The following SHISA2 variants were observed in gnomAD, a reference collection of about 807,000 sequenced individuals.
SHISA2 encodes the protein protein shisa-2 homolog.
Under a neutral mutation model 23.8 loss-of-function variants are expected in SHISA2, and 16 were observed. The observed-to-expected ratio is 0.67, with a 90% CI of 0.46 to 1.02. The LOEUF is 1.02. Among genes scored for constraint, SHISA2 ranks in the 50% least tolerant of loss-of-function variants. The pLI is 0.00. For synonymous variants in SHISA2, 201 were observed against 178.6 expected, an observed-to-expected ratio of 1.13 and a Z score of -1.00; for missense variants, 459 against 420.1, an observed-to-expected ratio of 1.09 and a Z score of -0.81.
rs1957297444 is a variant in SHISA2, at chr13:26,050,794, C to G, written c.182G>C (p.Gly61Ala). The G allele has an allele frequency of 6.6e-7, 1 of 1,526,478 alleles. No homozygotes were observed. The highest frequency in any genetic ancestry group is 8.7e-7 in the Non-Finnish European group (1 of 1,147,398). 94.6% of individuals were successfully genotyped at this position (1,526,478 alleles called of 1,614,324 possible). A position where few individuals can be genotyped will look rare whatever the true frequency, so the allele number is the denominator to read the frequency against. The change falls in exon 1 of 2, where the codon GGC becomes GCC. Residue 61 changes from glycine (G) to alanine (A), a missense_variant. Coordinates refer to ENST00000319420, the MANE Select transcript of SHISA2 (RefSeq NM_001007538.2). Reference protein sequence around the residue: ...GFQCPERFDGGDATICCGSCA... With the variant: ...GFQCPERFDGADATICCGSCA... ...GCTGCCGCAGCAGATGGTGGCGTCGCCGCCGTCGAAGCGCTCGGGACACTG... is the reference window on the plus strand; with the variant it reads ...GCTGCCGCAGCAGATGGTGGCGTCGGCGCCGTCGAAGCGCTCGGGACACTG...
intron 1 of SHISA2, among the ~76,000 whole-genome samples, chr13:26,050,047 CA>C (rs1957291129): frequency 6.6e-6 from 1 of 152,146 alleles, no homozygotes; most frequent in African/African-American, 2.4e-5. Context: ...CCACAAAGAG[CA>C]AGGCTGGGCA....
Position 26,044,825 on chromosome 13 carries a change from A to C in SHISA2, c.*1688T>G. On this transcript the variant is annotated 3_prime_UTR_variant, in exon 2 of 2. Coordinates refer to ENST00000319420, the MANE Select transcript of SHISA2 (RefSeq NM_001007538.2). ...AAATACTGGTTGTGCTAGCAGTTGG[A>C]AATGTACTTGCACATCCTTAAAGTT... The C allele has an allele frequency of 6.6e-6, 1 of 152,232 alleles. No individual in the cohort carries two copies. The highest frequency in any genetic ancestry group is 2.1e-4 in the South Asian group (1 of 4,834). 9.4% of individuals were successfully genotyped at this position (152,232 alleles called of 1,614,324 possible). A position where few individuals can be genotyped will look rare whatever the true frequency, so the allele number is the denominator to read the frequency against.
chr13:26,047,835 C>G (rs143974165), intron 1 of SHISA2, among the ~76,000 whole-genome samples: 151 of 152,234 alleles, frequency 9.9e-4, no homozygotes, highest in African/African-American at 3.1e-3. Flanking sequence ...AAGACGTGTT[C>G]CAGAAAGAAG....
At position 26,050,778 on chromosome 13, in the gene SHISA2, G is replaced by A; in HGVS notation, c.198C>T (p.Cys66=). Residue 66 remains cysteine (C), a synonymous_variant, in exon 1 of 2, where the codon TGC becomes TGT. Coordinates refer to ENST00000319420, the MANE Select transcript of SHISA2 (RefSeq NM_001007538.2). The part of the protein sequence containing the change: ...ERFDGGDATI[C]CGSCALRYCC... ...AGTAGCGCAACGCGCAGCTGCCGCA[G>A]CAGATGGTGGCGTCGCCGCCGTCGA... The A allele has an allele frequency of 3.9e-6, 6 of 1,523,058 alleles. No individual in the cohort carries two copies. Among genetic ancestry groups the A allele is most frequent in the South Asian group, 1.2e-5 (1 of 82,410 alleles). 94.3% of individuals were successfully genotyped at this position (1,523,058 alleles called of 1,614,324 possible).
At chr13:26,050,593 A>T (rs1593749799) in intron 1 of SHISA2, 49 bp downstream of exon 1, 1 of 1,370,976 alleles carries the variant, frequency 7.3e-7, no homozygotes, top group Non-Finnish European at 9.4e-7. Flanking sequence ...CCTGACGTCC[A>T]GGCAACGCCA....
intron 1 of SHISA2, among the ~76,000 whole-genome samples, chr13:26,048,345 C>A (rs901149987): frequency 6.6e-6 from 1 of 152,036 alleles, no homozygotes; most frequent in African/African-American, 2.4e-5. Flanking sequence ...TTAAAAAAAT[C>A]TTTTAGGAGC....
rs758127448 is a variant in SHISA2 at position 26,046,741 on chromosome 13, C to T, written c.660G>A (p.Met220Ile). 3.1e-6 allele frequency: 5 copies of T among 1,614,224 alleles called. No homozygotes were observed. In the South Asian group the frequency reaches 4.4e-5, roughly 14 times the overall value. The change falls in exon 2 of 2, where the codon ATG becomes ATA. Residue 220 changes from methionine (M) to isoleucine (I), a missense_variant. Met to Ile is a conservative substitution (Grantham distance 10). Transcript: ENST00000319420. ...AGTTCAGCACAGAGAAATTCGTGGG[C>T]ATGTTGACATACACGTTGTTCATGG... ...EGTMNNVYVN[M>I]PTNFSVLNCQ... is the part of the protein sequence containing the mutation.
At position 26,051,983 on chromosome 13, in the gene SHISA2, TCGCCC is replaced by T. The variant is rs71893661; in HGVS notation, c.-1013_-1009del. Among the ~76,000 whole-genome samples, 139,628 of 151,892 alleles carry T rather than the reference TCGCCC, an allele frequency of 0.92. 64,426 individuals carry two copies. The highest frequency in any genetic ancestry group is 0.98 in the Middle Eastern group (285 of 292). Reference sequence around the variant, plus strand: ...CGCAGCAGCCGCCCACAGCCTCGCCTCGCCCCGCCCGGCGCCAGACCAGCTCCGAC... The same window carrying T: ...CGCAGCAGCCGCCCACAGCCTCGCCTCGCCCGGCGCCAGACCAGCTCCGAC... On this transcript the variant is annotated 5_prime_UTR_variant, in exon 1 of 2. Transcript: ENST00000319420.
chr13:26,048,146 C>A (rs1466734524), intron 1 of SHISA2, among the ~76,000 whole-genome samples: 1 of 151,796 alleles, frequency 6.6e-6, no homozygotes, highest in African/African-American at 2.4e-5. Context: ...CTACTAAAAC[C>A]ACAAAATTTA....
At position 26,050,991 on chromosome 13, in the gene SHISA2, G is replaced by T. The variant is rs1296008261; in HGVS notation, c.-16C>A. The stretch of plus-strand genomic sequence containing the variant: ...CGCCCCACATGGCACCACCCTGGGC[G>T]CGGACAGCGCGTCTCCAGAGAGCGC... On this transcript the variant is annotated 5_prime_UTR_variant, in exon 1 of 2. Transcript: ENST00000319420. 2 of 1,485,836 alleles carry T rather than the reference G, an allele frequency of 1.3e-6. No individual in the cohort carries two copies. The allele number at this position is 1,485,836 out of a possible 1,614,324, so 92.0% of individuals were successfully genotyped here. A position where few individuals can be genotyped will look rare whatever the true frequency, so the allele number is the denominator to read the frequency against.
In SHISA2 at chr13:26,047,011, G is replaced by C. The variant is rs1287524506; in HGVS notation, c.390C>G (p.Ile130Met). 1.9e-6 allele frequency: 3 copies of C among 1,580,300 alleles called. No individual in the cohort carries two copies. Among genetic ancestry groups the C allele is most frequent in the Admixed American group, 1.9e-5 (1 of 53,734 alleles). Residue 130 changes from isoleucine (I) to methionine (M), a missense_variant, in exon 2 of 2, where the codon ATC becomes ATG. Ile to Met is a conservative substitution (Grantham distance 10). Coordinates refer to ENST00000319420, the MANE Select transcript of SHISA2 (RefSeq NM_001007538.2). ...IVGSVFVAFI[I>M]LGSLVAACCC... ...AACAGGCTGCCACCAGGGACCCCAA[G>C]ATGATAAAGGCGACAAACACGGAGC...
intron 1 of SHISA2, among the ~76,000 whole-genome samples, chr13:26,048,798 T>C (rs1178115689): frequency 1.3e-5 from 2 of 152,196 alleles, no homozygotes; most frequent in Non-Finnish European, 2.9e-5. Flanking sequence ...AACAATACTT[T>C]ATAGGTATTT....
In SHISA2 at chr13:26,046,951, C is replaced by CT. The variant is rs755899989; in HGVS notation, c.449dup (p.Gln151AlafsTer8). 2 of 1,612,816 alleles carry CT rather than the reference C, an allele frequency of 1.2e-6. No individual in the cohort carries two copies. Among genetic ancestry groups the CT allele is most frequent in the African/African-American group, 2.7e-5 (2 of 74,846 alleles). ...GGTTACCCCCTGGGGCTCGGCTCTG[C>CT]TGGGGATCCTGCTTAGGCCGGAGAC... On this transcript the variant is annotated frameshift_variant, in exon 2 of 2. Transcript: ENST00000319420. LOFTEE classifies it high-confidence loss of function.
In SHISA2 at chr13:26,045,678, G is replaced by C. The variant is rs147040963; in HGVS notation, c.*835C>G. The stretch of plus-strand genomic sequence containing the variant: ...TCTTTTTACAATGAAATTAAGGTGT[G>C]CCTGTGGAATACTGAGACTGATGAC... On this transcript the variant is annotated 3_prime_UTR_variant, in exon 2 of 2. Coordinates refer to ENST00000319420, the MANE Select transcript of SHISA2 (RefSeq NM_001007538.2). 6.6e-6 allele frequency: 1 copy of C among 152,080 alleles called. No homozygotes were observed. Among genetic ancestry groups the C allele is most frequent in the Non-Finnish European group, 1.5e-5 (1 of 68,024 alleles). The allele number at this position is 152,080 out of a possible 1,614,324, so 9.4% of individuals were successfully genotyped here. A position where few individuals can be genotyped will look rare whatever the true frequency, so the allele number is the denominator to read the frequency against.
At chr13:26,050,217 C>G (rs895326198) in intron 1 of SHISA2, among the ~76,000 whole-genome samples, 1 of 152,152 alleles carries the variant, frequency 6.6e-6, no homozygotes, top group Non-Finnish European at 1.5e-5. Flanking sequence ...CCCTGAGGAG[C>G]TGCCTTCCTT....
rs535030411 is a variant in SHISA2, at chr13:26,051,794, G to A, written c.-819C>T. Among the ~76,000 whole-genome samples, 68 of 152,180 alleles carry A rather than the reference G, an allele frequency of 4.5e-4. No homozygotes were observed. The highest frequency in any genetic ancestry group is 8.5e-4 in the Non-Finnish European group (58 of 67,976). ...GGATCCAGGCGGGCGGCTCGCCCCG[G>A]TTCCCCTTCTCCGCCTCCCCGGCTG... On this transcript the variant is annotated 5_prime_UTR_variant, in exon 1 of 2. Coordinates refer to ENST00000319420, the MANE Select transcript of SHISA2 (RefSeq NM_001007538.2).
chr13:26,049,684 G>A (rs756594792), intron 1 of SHISA2, among the ~76,000 whole-genome samples: 41 of 152,108 alleles, frequency 2.7e-4, no homozygotes, highest in Middle Eastern at 3.2e-3. Context: ...GAGGTCCTGG[G>A]AGGCAGCTCT....
intron 1 of SHISA2, among the ~76,000 whole-genome samples, chr13:26,049,850 C>A (rs563144508): frequency 1.1e-5 from 1 of 93,642 alleles, no homozygotes; most frequent in East Asian, 3.5e-4. Flanking sequence ...ACCTCCCCTC[C>A]CCCGAAATAA....
Position 26,045,079 on chromosome 13 carries a change from G to C in SHISA2, c.*1434C>G, listed in dbSNP as rs1041180633. 6.6e-6 allele frequency: 1 copy of C among 152,174 alleles called. No homozygotes were observed. Among genetic ancestry groups the C allele is most frequent in the African/African-American group, 2.4e-5 (1 of 41,442 alleles). 9.4% of individuals were successfully genotyped at this position (152,174 alleles called of 1,614,324 possible). ...AAGAGTATAAAAAGCCTTATGATCTGCAAAGTAAATCGTATCTGGTTTAAA... is the reference window on the plus strand; with the variant it reads ...AAGAGTATAAAAAGCCTTATGATCTCCAAAGTAAATCGTATCTGGTTTAAA... On this transcript the variant is annotated 3_prime_UTR_variant, in exon 2 of 2. Coordinates refer to ENST00000319420, the MANE Select transcript of SHISA2 (RefSeq NM_001007538.2).
Sources: allele counts gnomAD v4.1 joint callset (sites outside exome capture counted in the v4.1 genomes callset), GRCh38; gene constraint gnomAD v4.1.1; transcripts MANE v1.5; gene names NCBI Gene and HGNC (gene_info 2026-07-23, HGNC 2026-07-21).